The following ALDH1L1 variants were observed in gnomAD, a reference collection of about 807,000 sequenced individuals.
ALDH1L1 encodes the protein aldehyde dehydrogenase 1 family member L1, also known as cytosolic 10-formyltetrahydrofolate dehydrogenase.
Under a neutral mutation model 101.1 loss-of-function variants are expected in ALDH1L1, and 68 were observed. The ratio of observed to expected loss-of-function variants is 0.67; its 90% confidence interval spans 0.55 to 0.82. The LOEUF is 0.82. ALDH1L1 is among the 40% of genes least tolerant of loss of function. ALDH1L1 has a pLI of 0.00. For missense variants in ALDH1L1, 1,087 were observed against 1,172.7 expected (o/e 0.93, Z 1.07); for synonymous variants, 486 against 470.8 (o/e 1.03, Z -0.42).
At chr3:126,114,770 A>G (rs1559919316) in intron 17 of ALDH1L1, 114 bp from the exon 18 acceptor site, 1 of 980,934 alleles carries the variant, frequency 1.0e-6, no homozygotes, top group Admixed American at 1.8e-5. Flanking sequence ...GCAAGAAGCA[A>G]GACCCGGCCA....
At chr3:126,137,260 G>A (rs1008811293) in intron 10 of ALDH1L1, among the ~76,000 whole-genome samples, 1 of 152,142 alleles carries the variant, frequency 6.6e-6, no homozygotes, top group African/African-American at 2.4e-5. Context: ...GCACCTCTGG[G>A]ATATGATCCT....
Position 126,103,750 on chromosome 3 carries a change from C to G in ALDH1L1, c.*41G>C, listed in dbSNP as rs768733415. 5.6e-6 allele frequency: 9 copies of G among 1,605,770 alleles called. No individual in the cohort carries two copies. Among genetic ancestry groups the G allele is most frequent in the Admixed American group, 1.7e-5 (1 of 59,240 alleles). On this transcript the variant is annotated 3_prime_UTR_variant, in exon 23 of 23. Coordinates refer to ENST00000393434, the MANE Select transcript of ALDH1L1 (RefSeq NM_012190.4). ...CTCAAGAGGGAGGGGGCCCCAGCCACGAGGGAGGGGCAGGGACTTTCTTCT... is the reference window on the plus strand; with the variant it reads ...CTCAAGAGGGAGGGGGCCCCAGCCAGGAGGGAGGGGCAGGGACTTTCTTCT...
chr3:126,158,464 G>A lies in ALDH1L1; in HGVS notation c.303C>T (p.Gly101=), dbSNP rs892739439. 2.0e-5 allele frequency: 33 copies of A among 1,613,534 alleles called. No homozygotes were observed. The highest frequency in any genetic ancestry group is 2.6e-5 in the Non-Finnish European group (31 of 1,179,764). Residue 101 remains glycine (G), a synonymous_variant, in exon 3 of 23, where the codon GGC becomes GGT. Transcript: ENST00000393434. ...GCAGTGACGGGTGATAGATGATGGA[G>A]CCATGCCGGGGGGCACTGATTATCT... ...PMEIISAPRH[G]SIIYHPSLLP... is the part of the protein sequence containing the mutation.
chr3:126,113,494 C>G (rs535510041), intron 18 of ALDH1L1, among the ~76,000 whole-genome samples: 1 of 152,118 alleles, frequency 6.6e-6, no homozygotes, highest in Non-Finnish European at 1.5e-5. Flanking sequence ...CAGGGGAGGA[C>G]GGAGAGCCAT....
Position 126,131,474 on chromosome 3 carries a change from C to T in ALDH1L1, c.1533G>A (p.Ala511=), listed in dbSNP as rs748921193. Residue 511 remains alanine, a synonymous_variant, in exon 13 of 23, where the codon GCG becomes GCA. Transcript: ENST00000393434. The stretch of plus-strand genomic sequence containing the variant: ...TCAGGGCCAGCGTGTAGACGGCACC[C>T]GCATCCAGGGCCTCAATGGTGGCCA... ...EELATIEALD[A]GAVYTLALKT... The T allele has an allele frequency of 2.4e-5, 38 of 1,613,234 alleles. No homozygotes were observed. The highest frequency in any genetic ancestry group is 6.7e-5 in the Admixed American group (4 of 59,976).
chr3:126,127,053 C>A (rs576061050), intron 14 of ALDH1L1, among the ~76,000 whole-genome samples: 4 of 152,326 alleles, frequency 2.6e-5, no homozygotes, highest in African/African-American at 9.6e-5. Flanking sequence ...CATGTGGAAA[C>A]AGCTCTGCCC....
intron 20 of ALDH1L1, among the ~76,000 whole-genome samples, chr3:126,108,555 A>G (rs1287184753): frequency 2.0e-5 from 3 of 152,206 alleles, no homozygotes; most frequent in Non-Finnish European, 4.4e-5. Flanking sequence ...CTCACAGTCC[A>G]GCGGGAGTGG....
rs2108167836 is a variant in ALDH1L1, at chr3:126,107,138, T to C, written c.2453+3A>G. 2.5e-6 allele frequency: 4 copies of C among 1,613,468 alleles called. No individual in the cohort carries two copies. The highest frequency in any genetic ancestry group is 1.6e-4 in the Middle Eastern group (1 of 6,062). On this transcript the variant is annotated splice_donor_region_variant and intron_variant, in intron 21 of 22. Transcript: ENST00000393434. The stretch of plus-strand genomic sequence containing the variant: ...CCCTTGAGACATCAGCAGGATTCCC[T>C]ACCCATCAGCAAACCGAGAGATGAT...
intron 8 of ALDH1L1, among the ~76,000 whole-genome samples, chr3:126,148,270 CAG>C (rs1295945437): frequency 3.3e-5 from 5 of 152,208 alleles, no homozygotes; most frequent in Admixed American, 6.5e-5. Context: ...GTGAGGCAGG[CAG>C]AGAGTCTGGA....
At chr3:126,193,914 G>T (rs2081567152) in intron 1 of ALDH1L1, among the ~76,000 whole-genome samples, 1 of 152,056 alleles carries the variant, frequency 6.6e-6, no homozygotes, top group Admixed American at 6.5e-5. Flanking sequence ...TAAAGTTCCA[G>T]GAATTCTTAC....
At chr3:126,145,581 C>T (rs2080658345) in intron 9 of ALDH1L1, among the ~76,000 whole-genome samples, 1 of 152,198 alleles carries the variant, frequency 6.6e-6, no homozygotes, top group South Asian at 2.1e-4. Context: ...AAGCCAGTCA[C>T]AGAAGGACAA....
chr3:126,133,541 C>G (rs1576440709), intron 12 of ALDH1L1, among the ~76,000 whole-genome samples: 1 of 152,324 alleles, frequency 6.6e-6, no homozygotes, highest in Non-Finnish European at 1.5e-5. Context: ...CAATCCAGTT[C>G]CCAGGACACA....
chr3:126,172,796 A>G (rs1259683166), intron 1 of ALDH1L1, among the ~76,000 whole-genome samples: 2 of 145,284 alleles, frequency 1.4e-5, no homozygotes, highest in African/African-American at 5.0e-5. Context: ...GGCATATCAT[A>G]TTCAAACTGC....
intron 1 of ALDH1L1, among the ~76,000 whole-genome samples, chr3:126,190,477 T>C (rs1364459001): frequency 6.6e-6 from 1 of 152,196 alleles, no homozygotes; most frequent in Non-Finnish European, 1.5e-5. Flanking sequence ...CCTCCATGGG[T>C]CCACACTTCA....
chr3:126,115,283 A>T, intron 17 of ALDH1L1: 1 of 353,158 alleles, frequency 2.8e-6, no homozygotes, highest in South Asian at 2.1e-5. Flanking sequence ...CACTGCAGGG[A>T]TGCTGTCCTC....
chr3:126,150,431 T>C lies in ALDH1L1; in HGVS notation c.959A>G (p.Glu320Gly). 6.4e-7 allele frequency: 1 copy of C among 1,551,560 alleles called. No individual in the cohort carries two copies. Among genetic ancestry groups the C allele is most frequent in the Non-Finnish European group, 8.7e-7 (1 of 1,146,914 alleles). ...ASSVLELTEA[E>G]LVTAEAVRSV... ...CCGCACAGCCTCCGCAGTAACCAGC[T>C]CTGCCTCTGTCAGCTCAAGGACACT... The change falls in exon 8 of 23, where the codon GAG becomes GGG. Residue 320 changes from glutamate (E) to glycine (G), a missense_variant. Coordinates refer to ENST00000393434, the MANE Select transcript of ALDH1L1 (RefSeq NM_012190.4).
At chr3:126,191,949 A>C (rs1335356771) in intron 1 of ALDH1L1, among the ~76,000 whole-genome samples, 1 of 152,186 alleles carries the variant, frequency 6.6e-6, no homozygotes, top group Non-Finnish European at 1.5e-5. Context: ...TGGGAAAAAT[A>C]AGGAGGCGCT....
At chr3:126,121,793 G>A (rs1356027599) in intron 16 of ALDH1L1, among the ~76,000 whole-genome samples, 1 of 152,232 alleles carries the variant, frequency 6.6e-6, no homozygotes, top group Non-Finnish European at 1.5e-5. Context: ...GTGTGGCCAG[G>A]AAGGCAGCGC....
Position 126,158,597 on chromosome 3 carries a change from G to C in ALDH1L1, c.170C>G (p.Ser57Cys), listed in dbSNP as rs975292869. Residue 57 changes from serine (S) to cysteine (C), a missense_variant, in exon 3 of 23, where the codon TCC (serine) becomes TGC (cysteine). Ser to Cys is a moderately radical substitution (Grantham distance 112, BLOSUM62 -1). Coordinates refer to ENST00000393434, the MANE Select transcript of ALDH1L1 (RefSeq NM_012190.4). ...AGCCTGTCCTTTTGCACGCCACCGG[G>C]AGTACTTGAATACCGGCACTCCATC... is the stretch of plus-strand genomic sequence containing the variant. ...EKDGVPVFKY[S>C]RWRAKGQALP... 1.9e-6 allele frequency: 3 copies of C among 1,614,026 alleles called. No individual in the cohort carries two copies. The highest frequency in any genetic ancestry group is 2.5e-6 in the Non-Finnish European group (3 of 1,179,862).
Sources: allele counts gnomAD v4.1 joint callset (sites outside exome capture counted in the v4.1 genomes callset), GRCh38; gene constraint gnomAD v4.1.1; transcripts MANE v1.5; gene names NCBI Gene and HGNC (gene_info 2026-07-23, HGNC 2026-07-21).